The following CDH12 variants were observed in gnomAD, a reference collection of about 807,000 sequenced individuals.
CDH12 encodes cadherin-12.
A neutral mutation model predicts 74.1 loss-of-function variants in CDH12; 41 were observed. The ratio of observed to expected loss-of-function variants is 0.55; its 90% CI spans 0.43 to 0.72. CDH12 has a LOEUF of 0.72. Among genes scored for constraint, CDH12 ranks in the 30% least tolerant of loss-of-function variants. CDH12 has a pLI of 0.00. For synonymous variants in CDH12, 399 were observed against 355.0 expected (o/e 1.12, Z -1.39); for missense variants, 945 against 977.2 (o/e 0.97, Z 0.44).
chr5:22,325,623 A>T (rs1447155096), intron 3 of CDH12, among the ~76,000 whole-genome samples: 1 of 152,178 alleles, frequency 6.6e-6, no homozygotes, highest in African/African-American at 2.4e-5. Context: ...GCGGTGGCTC[A>T]CACCTGTAAT....
intron 1 of CDH12, among the ~76,000 whole-genome samples, chr5:22,551,756 G>A (rs1738580008): frequency 6.6e-6 from 1 of 150,506 alleles, no homozygotes; most frequent in Admixed American, 6.9e-5. Context: ...AATAATTGTT[G>A]TTTATTTAAA....
chr5:22,329,546 A>G (rs1468536291), intron 3 of CDH12, among the ~76,000 whole-genome samples: 1 of 152,228 alleles, frequency 6.6e-6, no homozygotes, highest in East Asian at 1.9e-4. Flanking sequence ...CAGAATCATC[A>G]GAACCAAAAA....
At chr5:22,648,234 C>T (rs1739542132) in intron 1 of CDH12, among the ~76,000 whole-genome samples, 1 of 151,836 alleles carries the variant, frequency 6.6e-6, no homozygotes, top group South Asian at 2.1e-4. Flanking sequence ...CTATGCAAGT[C>T]TTCATACAGT....
chr5:22,489,640 G>A (rs2126638191), intron 2 of CDH12, among the ~76,000 whole-genome samples: 1 of 149,690 alleles, frequency 6.7e-6, no homozygotes, highest in African/African-American at 2.4e-5. Flanking sequence ...AGCTGTAAAT[G>A]TAAAGACTGA....
At chr5:22,835,273 C>T (rs991838438) in intron 1 of CDH12, among the ~76,000 whole-genome samples, 45 of 151,852 alleles carry the variant, frequency 3.0e-4, no homozygotes, top group African/African-American at 9.2e-4. Flanking sequence ...TTCTTGTTCT[C>T]GATTTGCAAA....
chr5:21,992,527 A>C (rs566298519), intron 5 of CDH12, among the ~76,000 whole-genome samples: 1 of 152,126 alleles, frequency 6.6e-6, no homozygotes, highest in South Asian at 2.1e-4. Flanking sequence ...GGTTCTCCTA[A>C]TGATTCTTGG....
intron 1 of CDH12, among the ~76,000 whole-genome samples, chr5:22,697,464 C>G (rs1218966489): frequency 6.7e-6 from 1 of 148,232 alleles, no homozygotes; most frequent in Non-Finnish European, 1.5e-5. Context: ...CCCAGCTACT[C>G]GGGAGGCTGA....
chr5:22,384,451 G>C (rs535229858), intron 3 of CDH12, among the ~76,000 whole-genome samples: 1 of 146,720 alleles, frequency 6.8e-6, no homozygotes, highest in Non-Finnish European at 1.5e-5. Flanking sequence ...GCGTGAACCC[G>C]GGAGGCGGAG....
chr5:21,875,176 T>C (rs1443408665), intron 6 of CDH12, among the ~76,000 whole-genome samples: 1 of 152,206 alleles, frequency 6.6e-6, no homozygotes, highest in East Asian at 1.9e-4. Context: ...TGGCTAATCT[T>C]TCTAAAAGAT....
chr5:22,838,983 T>C (rs890638648), intron 1 of CDH12, among the ~76,000 whole-genome samples: 1 of 152,162 alleles, frequency 6.6e-6, no homozygotes, highest in African/African-American at 2.4e-5. Flanking sequence ...AGCCTTAAAA[T>C]GTATAGATTA....
At chr5:22,133,706 G>A (rs567954372) in intron 4 of CDH12, among the ~76,000 whole-genome samples, 7 of 152,130 alleles carry the variant, frequency 4.6e-5, no homozygotes, top group Non-Finnish European at 1.0e-4. Context: ...TAAGTAAAAT[G>A]GTTAAATTTG....
At chr5:22,114,572 T>C (rs1266291484) in intron 4 of CDH12, among the ~76,000 whole-genome samples, 2 of 152,062 alleles carry the variant, frequency 1.3e-5, no homozygotes, top group African/African-American at 4.8e-5. Flanking sequence ...CAATATTTTG[T>C]AACAACTGTT....
intron 3 of CDH12, among the ~76,000 whole-genome samples, chr5:22,246,795 G>A (rs1307850328): frequency 6.6e-6 from 1 of 152,142 alleles, no homozygotes; most frequent in Non-Finnish European, 1.5e-5. Context: ...ATTTCAAGAT[G>A]TAGTTACTTT....
intron 3 of CDH12, among the ~76,000 whole-genome samples, chr5:22,356,117 C>T (rs755222922): frequency 4.6e-5 from 7 of 151,946 alleles, no homozygotes; most frequent in Non-Finnish European, 1.0e-4. Flanking sequence ...TGCCATAAGA[C>T]TAAACAAGAG....
chr5:22,478,796 T>C (rs1450951196), intron 2 of CDH12, among the ~76,000 whole-genome samples: 1 of 152,188 alleles, frequency 6.6e-6, no homozygotes, highest in Non-Finnish European at 1.5e-5. Flanking sequence ...AATATTGATC[T>C]TGGTGTTATT....
intron 1 of CDH12, among the ~76,000 whole-genome samples, chr5:22,757,165 C>A (rs1251317225): frequency 6.6e-6 from 1 of 152,114 alleles, no homozygotes; most frequent in Admixed American, 6.5e-5. Context: ...AACTTTTCTT[C>A]TTCCTGTAGA....
chr5:22,597,765 G>C (rs1015881721), intron 1 of CDH12, among the ~76,000 whole-genome samples: 1 of 152,098 alleles, frequency 6.6e-6, no homozygotes, highest in African/African-American at 2.4e-5. Context: ...TGAATGCTTT[G>C]TCTATTAGGA....
intron 3 of CDH12, among the ~76,000 whole-genome samples, chr5:22,318,497 T>C (rs188608971): frequency 1.3e-5 from 2 of 152,354 alleles, no homozygotes; most frequent in Non-Finnish European, 2.9e-5. Flanking sequence ...GAGTATCATT[T>C]ATCAAAGTTC....
At chr5:21,893,117 A>G (rs1752966927) in intron 6 of CDH12, among the ~76,000 whole-genome samples, 1 of 152,152 alleles carries the variant, frequency 6.6e-6, no homozygotes, top group Non-Finnish European at 1.5e-5. Context: ...GAACATCAAC[A>G]TCTGCTAGCA....
Sources: allele counts gnomAD v4.1 joint callset (sites outside exome capture counted in the v4.1 genomes callset), GRCh38; gene constraint gnomAD v4.1.1; transcripts MANE v1.5; gene names NCBI Gene and HGNC (gene_info 2026-07-23, HGNC 2026-07-21).